The following RNF24 variants were observed in gnomAD, a reference collection of about 807,000 sequenced individuals.
RNF24 encodes ring finger protein 24.
A neutral mutation model predicts 20.0 loss-of-function variants in RNF24; 14 were observed. The ratio of observed to expected loss-of-function variants is 0.70; its 90% CI spans 0.46 to 1.10. The LOEUF is 1.10. Among genes scored for constraint, RNF24 ranks in the 50% least tolerant of loss-of-function variants. The probability of loss-of-function intolerance (pLI) is 0.00; values close to 1 mark genes in which losing one functional copy is unlikely to be tolerated. For synonymous variants in RNF24, 45 were observed against 61.1 expected (o/e 0.74, Z 1.23); for missense variants, 124 against 177.6 (o/e 0.70, Z 1.71).
intron 1 of RNF24, among the ~76,000 whole-genome samples, chr20:3,984,832 GAAGACTTCTTTCCA>G (rs1451419225): frequency 4.6e-5 from 7 of 151,126 alleles, no homozygotes; most frequent in Non-Finnish European, 8.8e-5. Context: ...GTATACACCA[GAAGACTTCTTTCCA>G]GTTTTAAGAA....
intron 2 of RNF24, among the ~76,000 whole-genome samples, chr20:3,958,917 T>C (rs981597129): frequency 3.9e-5 from 6 of 152,230 alleles, no homozygotes; most frequent in African/African-American, 1.4e-4. Context: ...GCTGGGATTA[T>C]AGGCGTAAGC....
Position 3,930,047 on chromosome 20 carries a change from C to CGTGT in RNF24, c.*4015_*4016insACAC, listed in dbSNP as rs1165824037. On this transcript the variant is annotated 3_prime_UTR_variant, in exon 6 of 6. Coordinates refer to ENST00000358395, the MANE Select transcript of RNF24 (RefSeq NM_001134337.3). ...GAAAAATTATATAGACACACATACA[C>CGTGT]ATGTGTGTACATGCATAAATGATCT... 2.4e-3 allele frequency: 358 copies of CGTGT among 152,290 alleles called. 1 individual carries two copies. Among genetic ancestry groups the CGTGT allele is most frequent in the Non-Finnish European group, 4.2e-3 (284 of 68,032 alleles). 9.4% of individuals were successfully genotyped at this position (152,290 alleles called of 1,614,324 possible). A position where few individuals can be genotyped will look rare whatever the true frequency, so the allele number is the denominator to read the frequency against.
At position 3,954,900 on chromosome 20, in the gene RNF24, AG is replaced by A. The variant is rs372979905; in HGVS notation, c.144-6622del. On this transcript the variant is annotated intron_variant, in intron 2 of 5. Transcript: ENST00000358395. ...GGTGACAGTGCGAGACTCCATCTCAAGAAAAAAAAAAAAGAATTTGTTTGAA... is the reference window on the plus strand; with the variant it reads ...GGTGACAGTGCGAGACTCCATCTCAAAAAAAAAAAAAAGAATTTGTTTGAA... Among the ~76,000 whole-genome samples, 290 of 148,132 alleles carry A rather than the reference AG, an allele frequency of 2.0e-3. 7 individuals carry two copies. Among genetic ancestry groups the A allele is most frequent in the Middle Eastern group, 3.5e-3 (1 of 286 alleles).
chr20:3,950,287 C>T (rs1358179230), intron 2 of RNF24, among the ~76,000 whole-genome samples: 1 of 152,052 alleles, frequency 6.6e-6, no homozygotes, highest in Non-Finnish European at 1.5e-5. Flanking sequence ...TTAAGATGAG[C>T]CCTAAATTCA....
chr20:3,978,094 G>A (rs1276864351), intron 1 of RNF24, among the ~76,000 whole-genome samples: 1 of 149,814 alleles, frequency 6.7e-6, no homozygotes, highest in Admixed American at 6.6e-5. Context: ...TTTTGAGATG[G>A]AGTCTCACTC....
intron 4 of RNF24, among the ~76,000 whole-genome samples, chr20:3,936,908 C>T (rs1186311131): frequency 6.6e-6 from 1 of 152,180 alleles, no homozygotes; most frequent in Non-Finnish European, 1.5e-5. Flanking sequence ...GCGATCTCAG[C>T]TCACCGCAAC....
chr20:3,940,446 GAAC>G (rs1248407520), intron 4 of RNF24, among the ~76,000 whole-genome samples: 1 of 150,444 alleles, frequency 6.6e-6, no homozygotes, highest in Non-Finnish European at 1.5e-5. Flanking sequence ...AGGACTTGTG[GAAC>G]AACAACAAAG....
In RNF24 at chr20:3,972,464, T is replaced by C. The variant is rs185807200; in HGVS notation, c.-7-8440A>G. ...ATATAGAGTGTGTTACTGGACATAG[T>C]TGAATCAAACTAGACATTTATAACA... On this transcript the variant is annotated intron_variant, in intron 1 of 5. Transcript: ENST00000358395. 1.5e-3 allele frequency among the ~76,000 whole-genome samples: 223 copies of C among 152,322 alleles called. 2 individuals are homozygous for C. Among genetic ancestry groups the C allele is most frequent in the African/African-American group, 5.2e-3 (215 of 41,578 alleles).
chr20:3,961,748 T>C (rs1459511400), intron 2 of RNF24, among the ~76,000 whole-genome samples: 1 of 152,064 alleles, frequency 6.6e-6, no homozygotes, highest in Non-Finnish European at 1.5e-5. Flanking sequence ...AAAAATAATT[T>C]GGTTTTGAAT....
intron 1 of RNF24, among the ~76,000 whole-genome samples, chr20:3,981,518 T>C (rs1979379115): frequency 6.6e-6 from 1 of 151,718 alleles, no homozygotes; most frequent in Non-Finnish European, 1.5e-5. Flanking sequence ...TTTTCTTTTT[T>C]TTTTTTGAGA....
At chr20:4,014,764 C>T (rs1402582129) in intron 1 of RNF24, among the ~76,000 whole-genome samples, 2 of 151,860 alleles carry the variant, frequency 1.3e-5, no homozygotes. Context: ...CACACACACA[C>T]ACACACACAC....
At chr20:3,959,246 C>T (rs536124772) in intron 2 of RNF24, among the ~76,000 whole-genome samples, 5 of 152,272 alleles carry the variant, frequency 3.3e-5, no homozygotes, top group South Asian at 2.1e-4. Context: ...TTCTATCTCT[C>T]GGAAGGGATT....
intron 1 of RNF24, among the ~76,000 whole-genome samples, chr20:3,999,747 C>G (rs1289478008): frequency 6.6e-6 from 1 of 152,196 alleles, no homozygotes; most frequent in Non-Finnish European, 1.5e-5. Context: ...AGAGGCGAAA[C>G]TCTGTCTCAA....
At chr20:3,976,571 A>G (rs1317660050) in intron 1 of RNF24, among the ~76,000 whole-genome samples, 1 of 152,170 alleles carries the variant, frequency 6.6e-6, no homozygotes, top group African/African-American at 2.4e-5. Context: ...TACAAACCTC[A>G]ACACAAATGT....
chr20:3,989,960 A>G (rs1164359895), intron 1 of RNF24, among the ~76,000 whole-genome samples: 2 of 152,212 alleles, frequency 1.3e-5, no homozygotes, highest in Non-Finnish European at 2.9e-5. Flanking sequence ...TGGCAGATAC[A>G]AGAAAGTTAA....
intron 1 of RNF24, among the ~76,000 whole-genome samples, chr20:4,013,384 T>A (rs550163363): frequency 1.3e-5 from 2 of 152,176 alleles, no homozygotes; most frequent in Non-Finnish European, 2.9e-5. Context: ...TTACAGAGAA[T>A]CTTAAAGAAA....
rs569978547 is a variant in RNF24, at chr20:4,000,081, A to G, written c.-8+15356T>C. Reference sequence around the variant, plus strand: ...GAATAATGATAACTAAAATGTTCTAAAATTGATTGTGGTGATAGACAGAAA... The same window carrying G: ...GAATAATGATAACTAAAATGTTCTAGAATTGATTGTGGTGATAGACAGAAA... On this transcript the variant is annotated intron_variant, in intron 1 of 5. Transcript: ENST00000358395. 9.2e-5 allele frequency among the ~76,000 whole-genome samples: 14 copies of G among 152,286 alleles called. No individual in the cohort carries two copies. The East Asian group carries it at 2.7e-3, about 29-fold the overall frequency.
intron 1 of RNF24, among the ~76,000 whole-genome samples, chr20:3,988,457 CTTTTTTTTT>C (rs71195876): frequency 3.0e-5 from 3 of 99,670 alleles, no homozygotes; most frequent in Non-Finnish European, 6.2e-5. Context: ...AAAAGAAACT[CTTTTTTTTT>C]TTTTTTTTTT....
chr20:3,977,512 A>T (rs1462519889), intron 1 of RNF24, among the ~76,000 whole-genome samples: 2 of 152,136 alleles, frequency 1.3e-5, no homozygotes, highest in Non-Finnish European at 2.9e-5. Context: ...TATAAAATAA[A>T]ATGGTAGGAA....
Sources: allele counts gnomAD v4.1 joint callset (sites outside exome capture counted in the v4.1 genomes callset), GRCh38; gene constraint gnomAD v4.1.1; transcripts MANE v1.5; gene names NCBI Gene and HGNC (gene_info 2026-07-23, HGNC 2026-07-21).